CRLF3: variants seen among roughly 807,000 people sequenced by gnomAD.
CRLF3 encodes the protein cytokine receptor-like factor 3.
In CRLF3, 33 loss-of-function variants were observed where a neutral mutation model predicts 55.0. That is an observed-to-expected ratio of 0.60 (90% confidence interval 0.46 to 0.80). The LOEUF (loss-of-function observed/expected upper bound fraction) is 0.80. CRLF3 is among the 30% of genes least tolerant of loss of function. The probability of loss-of-function intolerance (pLI) is 0.00; values close to 1 mark genes in which losing one functional copy is unlikely to be tolerated. For missense variants in CRLF3, 494 were observed against 538.4 expected (o/e 0.92, Z 0.82); for synonymous variants, 238 against 196.8 (o/e 1.21, Z -1.75).
intron 2 of CRLF3, among the ~76,000 whole-genome samples, chr17:30,797,982 G>A (rs561133921): frequency 1.4e-5 from 2 of 142,216 alleles, no homozygotes; most frequent in Admixed American, 7.2e-5. Flanking sequence ...GTCTCACTAT[G>A]TTGCCCAGGC....
chr17:30,784,340 G>C lies in CRLF3; in HGVS notation c.1176C>G (p.Thr392=), dbSNP rs763849169. 9 of 1,613,950 alleles carry C rather than the reference G, an allele frequency of 5.6e-6. No homozygotes were observed. The highest frequency in any genetic ancestry group is 6.8e-6 in the Non-Finnish European group (8 of 1,179,984). ...TGAAGTGTCCACCTTCATTATTACT[G>C]GTGGTTCCTAGAGTCACGGCTTCAA... The part of the protein sequence containing the change: ...FDIEAVTLGT[T]SNNEGGHFKL... The change falls in exon 8 of 8, where the codon ACC becomes ACG. Residue 392 remains threonine, a synonymous_variant. Transcript: ENST00000324238.
At chr17:30,805,001 A>G (rs9890179) in intron 1 of CRLF3, among the ~76,000 whole-genome samples, 20,636 of 151,920 alleles carry the variant, frequency 0.14, 1,494 homozygotes, top group South Asian at 0.25. Context: ...TGGCCAACGT[A>G]GTGAAACCCT....
At chr17:30,812,715 C>T (rs1904662811) in intron 1 of CRLF3, among the ~76,000 whole-genome samples, 1 of 152,092 alleles carries the variant, frequency 6.6e-6, no homozygotes, top group Non-Finnish European at 1.5e-5. Context: ...AATGCAGTCA[C>T]ACGTGCACAG....
intron 5 of CRLF3, among the ~76,000 whole-genome samples, chr17:30,793,245 G>T (rs114615048): frequency 0.018 from 2,588 of 142,070 alleles, 84 homozygotes; most frequent in African/African-American, 0.072. Flanking sequence ...TAAAAATCTT[G>T]TCCAGCATTT....
chr17:30,795,180 T>G (rs1971892701), intron 4 of CRLF3, among the ~76,000 whole-genome samples: 1 of 151,966 alleles, frequency 6.6e-6, no homozygotes, highest in African/African-American at 2.4e-5. Context: ...AAAAAAAAAT[T>G]TCCTTTTAAT....
At chr17:30,816,147 T>TG (rs1386387810) in intron 1 of CRLF3, among the ~76,000 whole-genome samples, 1 of 151,508 alleles carries the variant, frequency 6.6e-6, no homozygotes, top group African/African-American at 2.4e-5. Context: ...CCGGGCATGG[T>TG]GGCATGCACC....
At chr17:30,813,756 C>A (rs575459673) in intron 1 of CRLF3, among the ~76,000 whole-genome samples, 4 of 139,814 alleles carry the variant, frequency 2.9e-5, no homozygotes, top group African/African-American at 5.2e-5. Flanking sequence ...ATCCCTCCCC[C>A]CTCCCCACAC....
At chr17:30,788,696 C>G (rs957680596) in intron 6 of CRLF3, among the ~76,000 whole-genome samples, 6 of 150,234 alleles carry the variant, frequency 4.0e-5, no homozygotes, top group Non-Finnish European at 8.9e-5. Context: ...CAACCTCCGC[C>G]TCCTGGGTTC....
chr17:30,788,110 C>A (rs1050362784), intron 6 of CRLF3, among the ~76,000 whole-genome samples: 5 of 151,960 alleles, frequency 3.3e-5, no homozygotes, highest in Non-Finnish European at 7.4e-5. Flanking sequence ...GGGCGGATCA[C>A]AAAGTCAGGA....
intron 1 of CRLF3, among the ~76,000 whole-genome samples, 165 bp downstream of exon 1, chr17:30,824,358 C>T (rs1357207959): frequency 5.9e-5 from 9 of 151,886 alleles, no homozygotes; most frequent in Admixed American, 5.9e-4. Flanking sequence ...TCCCCAACTC[C>T]CACCTTCCCC....
At chr17:30,806,243 A>AG (rs1904398957) in intron 1 of CRLF3, among the ~76,000 whole-genome samples, 1 of 152,194 alleles carries the variant, frequency 6.6e-6, no homozygotes, top group South Asian at 2.1e-4. Flanking sequence ...AAAGTTATTG[A>AG]AAGAGAAGAA....
chr17:30,812,187 A>T (rs911522408), intron 1 of CRLF3, among the ~76,000 whole-genome samples: 2 of 152,172 alleles, frequency 1.3e-5, no homozygotes, highest in African/African-American at 2.4e-5. Flanking sequence ...GCTAATCAAC[A>T]TATTTTTTCT....
At chr17:30,784,560 A>T (rs1266408056) in intron 7 of CRLF3, 117 bp from the exon 8 acceptor site, 3 of 869,166 alleles carry the variant, frequency 3.5e-6, no homozygotes, top group Non-Finnish European at 5.3e-6. Flanking sequence ...AAAAATCTGG[A>T]ATGCCAACTG....
At position 30,792,562 on chromosome 17, in the gene CRLF3, A is replaced by G; in HGVS notation, c.837T>C (p.Ala279=). ...HSTLVPHEWT[A]GFEGYSLSSR... ...TGCTCAGACTGTACCCCTCAAAACC[A>G]GCTGTCCACTCTTTTTCAAAGCAAA... The change falls in exon 6 of 8, where the codon GCT becomes GCC. Residue 279 remains alanine (A), a synonymous_variant. Transcript: ENST00000324238. 1 of 1,598,412 alleles carries G rather than the reference A, an allele frequency of 6.3e-7. No individual in the cohort carries two copies. The highest frequency in any genetic ancestry group is 1.1e-5 in the South Asian group (1 of 90,356).
chr17:30,791,805 C>T (rs1337054034), intron 6 of CRLF3, among the ~76,000 whole-genome samples: 4 of 151,540 alleles, frequency 2.6e-5, no homozygotes, highest in Non-Finnish European at 4.4e-5. Flanking sequence ...TGTGAGCCAC[C>T]GTGCCTGGCC....
rs561677188 is a variant in CRLF3, at chr17:30,823,115, G to A, written c.129+1408C>T. On this transcript the variant is annotated intron_variant, in intron 1 of 7. Transcript: ENST00000324238. ...CGCGGTGGCTCACGTCTGTATCCCAGCACTTTGGGAGGCTGAGGCAGGTGG... is the reference window on the plus strand; with the variant it reads ...CGCGGTGGCTCACGTCTGTATCCCAACACTTTGGGAGGCTGAGGCAGGTGG... Among the ~76,000 whole-genome samples the A allele has an allele frequency of 1.1e-4, 16 of 152,096 alleles. No individual in the cohort carries two copies. The South Asian group carries it at 3.1e-3, about 30-fold the overall frequency.
intron 1 of CRLF3, among the ~76,000 whole-genome samples, chr17:30,821,815 C>CT (rs1453158938): frequency 6.6e-6 from 1 of 151,964 alleles, no homozygotes; most frequent in Non-Finnish European, 1.5e-5. Flanking sequence ...TGAATATATA[C>CT]TTGAATTAGA....
intron 1 of CRLF3, among the ~76,000 whole-genome samples, chr17:30,806,296 A>G (rs1398765288): frequency 2.0e-5 from 3 of 152,194 alleles, no homozygotes; most frequent in African/African-American, 4.8e-5. Flanking sequence ...ACCCTAAAAA[A>G]TTATTCAATT....
intron 6 of CRLF3, among the ~76,000 whole-genome samples, chr17:30,790,319 A>C (rs963571338): frequency 6.6e-6 from 1 of 152,186 alleles, no homozygotes; most frequent in Non-Finnish European, 1.5e-5. Flanking sequence ...GGCAAACTTT[A>C]CTTCTCTAAG....
Sources: gnomAD v4.1 joint callset for allele counts (sites outside exome capture counted in the v4.1 genomes callset) on GRCh38, gnomAD v4.1.1 for gene constraint, MANE v1.5 for transcripts, NCBI Gene and HGNC (gene_info 2026-07-23, HGNC 2026-07-21) for gene names.